The following RBPJ variants were observed in gnomAD, a reference collection of about 807,000 sequenced individuals.
RBPJ encodes the protein recombination signal binding protein for immunoglobulin kappa J region, also known as recombining binding protein suppressor of hairless.
In RBPJ, 9 loss-of-function variants were observed where a neutral mutation model predicts 67.8. That is an observed-to-expected ratio of 0.13 (90% confidence interval 0.08 to 0.23). The LOEUF is 0.23. Ranked by LOEUF, RBPJ falls within the 10% of genes least tolerant of loss-of-function variation. The pLI is 1.00. For synonymous variants in RBPJ, 198 were observed against 203.3 expected, an observed-to-expected ratio of 0.97 and a Z score of 0.22; for missense variants, 305 against 595.6, an observed-to-expected ratio of 0.51 and a Z score of 5.08.
At chr4:26,258,388 G>A (rs988449544) in intron 1 of RBPJ, among the ~76,000 whole-genome samples, 1 of 152,118 alleles carries the variant, frequency 6.6e-6, no homozygotes, top group Non-Finnish European at 1.5e-5. Context: ...AATAAAATAG[G>A]ATCTGTTTGG....
intron 1 of RBPJ, among the ~76,000 whole-genome samples, chr4:26,214,919 A>AG (rs1464095744): frequency 7.4e-6 from 1 of 134,302 alleles, no homozygotes; most frequent in African/African-American, 2.8e-5. Flanking sequence ...AAAAAAGAGA[A>AG]AAAAGGAAGG....
chr4:26,119,108 TA>T, the RBPJ span, among the ~76,000 whole-genome samples: 1 of 152,208 alleles, frequency 6.6e-6, no homozygotes, highest in African/African-American at 2.4e-5. Context: ...ACCTACCTTA[TA>T]ATATCACTGT....
At chr4:26,148,396 G>T in the RBPJ span, among the ~76,000 whole-genome samples, 1,319 of 152,220 alleles carry the variant, frequency 8.7e-3, 18 homozygotes, top group African/African-American at 0.031. Flanking sequence ...GCATGTAGAA[G>T]GTACTTCAAA....
At chr4:26,140,028 G>T in the RBPJ span, among the ~76,000 whole-genome samples, 2 of 152,076 alleles carry the variant, frequency 1.3e-5, no homozygotes, top group African/African-American at 4.8e-5. Flanking sequence ...CCAAATTTAG[G>T]AGCTGTGTCA....
At chr4:26,313,884 A>G (rs560379067) in intron 1 of RBPJ, among the ~76,000 whole-genome samples, 51 of 152,060 alleles carry the variant, frequency 3.4e-4, no homozygotes, top group Non-Finnish European at 6.2e-4. Flanking sequence ...AGAAGGAAAC[A>G]ATTTTATTTG....
At chr4:26,214,261 C>CAAAA (rs1718537176) in intron 1 of RBPJ, among the ~76,000 whole-genome samples, 5 of 46,414 alleles carry the variant, frequency 1.1e-4, no homozygotes, top group Non-Finnish European at 1.5e-4. Context: ...AAAAGAGAGA[C>CAAAA]GAAAGAAAGA....
chr4:26,229,801 AG>A (rs1719211926), intron 1 of RBPJ, among the ~76,000 whole-genome samples: 1 of 152,228 alleles, frequency 6.6e-6, no homozygotes, highest in South Asian at 2.1e-4. Flanking sequence ...AATAAATGGA[AG>A]GTACTGAGCC....
intron 1 of RBPJ, among the ~76,000 whole-genome samples, chr4:26,385,800 A>T (rs949398480): frequency 6.8e-5 from 10 of 146,766 alleles, no homozygotes; most frequent in African/African-American, 1.0e-4. Flanking sequence ...TTATTTATTT[A>T]TTTTTTTATT....
In RBPJ at chr4:26,387,528, C is replaced by A. The variant is rs1365643042; in HGVS notation, c.59+1137C>A. On this transcript the variant is annotated intron_variant, in intron 2 of 10. Coordinates refer to ENST00000355476, the MANE Select transcript of RBPJ (RefSeq NM_015874.6). Reference sequence around the variant, plus strand: ...AAACCTGGACAAAATATGTAAAAACCGTTTTCCAGGTATTGAACATCAGGT... The same window carrying A: ...AAACCTGGACAAAATATGTAAAAACAGTTTTCCAGGTATTGAACATCAGGT... 2.0e-5 allele frequency among the ~76,000 whole-genome samples: 3 copies of A among 152,124 alleles called. No individual in the cohort carries two copies. The East Asian group carries it at 5.8e-4, about 29-fold the overall frequency.
intron 1 of RBPJ, among the ~76,000 whole-genome samples, chr4:26,216,799 C>T (rs867688364): frequency 2.9e-4 from 44 of 152,078 alleles, no homozygotes; most frequent in Admixed American, 9.2e-4. Flanking sequence ...GTGGTGCACA[C>T]CTGCAGTCCC....
In RBPJ at chr4:26,229,438, G is replaced by A. The variant is rs369576674; in HGVS notation, c.-167+65824G>A. Reference sequence around the variant, plus strand: ...TCTTCCTCCTGTTGGTGGCCCCACAGCACCCTCTGGTCTGTGCTGCTCTGG... The same window carrying A: ...TCTTCCTCCTGTTGGTGGCCCCACAACACCCTCTGGTCTGTGCTGCTCTGG... On this transcript the variant is annotated intron_variant, in intron 1 of 4. Transcript: ENST00000512351. Among the ~76,000 whole-genome samples the A allele has an allele frequency of 5.3e-5, 8 of 152,294 alleles. No homozygotes were observed. The East Asian group carries it at 7.7e-4, about 15-fold the overall frequency.
chr4:26,324,954 T>C (rs1463084107), intron 1 of RBPJ, among the ~76,000 whole-genome samples: 1 of 152,268 alleles, frequency 6.6e-6, no homozygotes, highest in African/African-American at 2.4e-5. Context: ...TTATTTGCTC[T>C]TAAGAATAAA....
the RBPJ span, among the ~76,000 whole-genome samples, chr4:26,140,821 A>G: frequency 6.9e-6 from 1 of 144,748 alleles, no homozygotes; most frequent in Non-Finnish European, 1.5e-5. Flanking sequence ...AATCTGGGAC[A>G]CTGACCCTTC....
At chr4:26,316,827 C>CCCTT (rs1722664366), upstream of RBPJ, among the ~76,000 whole-genome samples, 1 of 71,392 alleles carries the variant, frequency 1.4e-5, no homozygotes, top group Non-Finnish European at 2.6e-5. Flanking sequence ...ACCCAGACGA[C>CCCTT]TTTTTTTTTT....
chr4:26,301,374 CG>C (rs1560251896), intron 1 of RBPJ, among the ~76,000 whole-genome samples: 2 of 152,070 alleles, frequency 1.3e-5, no homozygotes, highest in Non-Finnish European at 2.9e-5. Context: ...GGGCGGATCA[CG>C]AGGTCAGGAG....
chr4:26,223,447 C>T (rs1718980783), intron 1 of RBPJ, among the ~76,000 whole-genome samples: 1 of 152,088 alleles, frequency 6.6e-6, no homozygotes, highest in African/African-American at 2.4e-5. Flanking sequence ...GGAAAATCTG[C>T]CTGAAGGAGG....
At chr4:26,347,585 T>TA (rs1293005896) in intron 1 of RBPJ, among the ~76,000 whole-genome samples, 4 of 152,202 alleles carry the variant, frequency 2.6e-5, no homozygotes, top group Non-Finnish European at 5.9e-5. Flanking sequence ...GGTGAGATCT[T>TA]ACTGTGGTTC....
At chr4:26,226,886 T>A (rs1261609291) in intron 1 of RBPJ, among the ~76,000 whole-genome samples, 1 of 152,178 alleles carries the variant, frequency 6.6e-6, no homozygotes, top group East Asian at 1.9e-4. Context: ...CTGAAATTTA[T>A]TTGATGATGA....
intron 2 of RBPJ, among the ~76,000 whole-genome samples, chr4:26,387,997 G>T (rs914796094): frequency 9.9e-5 from 15 of 151,920 alleles, no homozygotes; most frequent in African/African-American, 3.6e-4. Context: ...AAGAATACAG[G>T]AATAGAAAAA....
Sources: allele counts gnomAD v4.1 joint callset (sites outside exome capture counted in the v4.1 genomes callset), GRCh38; gene constraint gnomAD v4.1.1; transcripts MANE v1.5; gene names NCBI Gene and HGNC (gene_info 2026-07-23, HGNC 2026-07-21).